Variants in KIAA0825 observed in about 807,000 individuals in gnomAD.
KIAA0825 encodes uncharacterized protein KIAA0825.
In KIAA0825, 119 loss-of-function variants were observed where a neutral mutation model predicts 147.6. The observed-to-expected ratio is 0.81, with a 90% confidence interval of 0.69 to 0.94. KIAA0825 has a LOEUF of 0.94. KIAA0825 is among the 40% of genes least tolerant of loss of function. The pLI is 0.00. For synonymous variants in KIAA0825, 470 were observed against 518.1 expected (o/e 0.91, Z 1.26); for missense variants, 1,381 against 1,472.7 (o/e 0.94, Z 1.02).
At position 94,526,168 on chromosome 5, in the gene KIAA0825, C is replaced by A. The variant is rs568510495; in HGVS notation, c.132-2070G>T. ...AATGTCAGTTTGGTATGTAATCTGA[C>A]AATTTATCTTCTTTAATCAAAATAA... On this transcript the variant is annotated intron_variant, in intron 3 of 20. Transcript: ENST00000682413. Among the ~76,000 whole-genome samples the A allele has an allele frequency of 5.3e-5, 8 of 152,090 alleles. No individual in the cohort carries two copies. In the South Asian group the frequency reaches 1.7e-3, roughly 31 times the overall value.
chr5:94,541,058 T>G (rs1584829642), intron 2 of KIAA0825, among the ~76,000 whole-genome samples: 1 of 152,218 alleles, frequency 6.6e-6, no homozygotes, highest in East Asian at 1.9e-4. Flanking sequence ...CTGTGTAAGT[T>G]GTGAAAGAAT....
chr5:94,443,272 C>A (rs1298399739), intron 13 of KIAA0825, among the ~76,000 whole-genome samples: 1 of 151,576 alleles, frequency 6.6e-6, no homozygotes, highest in Non-Finnish European at 1.5e-5. Context: ...GTTCCCTCAG[C>A]CTTTGAGCTG....
At chr5:94,270,237 T>A (rs1776924811) in intron 20 of KIAA0825, among the ~76,000 whole-genome samples, 1 of 151,988 alleles carries the variant, frequency 6.6e-6, no homozygotes, top group Non-Finnish European at 1.5e-5. Flanking sequence ...GGTATCAGCA[T>A]AAAGACAGAC....
chr5:94,363,988 G>A (rs910496627), intron 20 of KIAA0825, among the ~76,000 whole-genome samples: 4 of 151,978 alleles, frequency 2.6e-5, no homozygotes, highest in Non-Finnish European at 4.4e-5. Flanking sequence ...TAGACTGACA[G>A]CCAAAAGCGT....
chr5:94,440,916 G>A (rs893465355), intron 13 of KIAA0825, among the ~76,000 whole-genome samples: 8 of 152,040 alleles, frequency 5.3e-5, no homozygotes, highest in Admixed American at 3.3e-4. Flanking sequence ...CAACTTACAA[G>A]GAGAACAACA....
intron 20 of KIAA0825, among the ~76,000 whole-genome samples, chr5:94,325,004 T>C (rs2150259994): frequency 6.6e-6 from 1 of 152,032 alleles, no homozygotes; most frequent in Admixed American, 6.6e-5. Context: ...CCCAAATAAT[T>C]TCATAAATCC....
At chr5:94,480,566 ACTGT>A (rs1037700742) in intron 6 of KIAA0825, among the ~76,000 whole-genome samples, 4 of 152,046 alleles carry the variant, frequency 2.6e-5, no homozygotes, top group African/African-American at 7.2e-5. Flanking sequence ...TCTGGAAGTA[ACTGT>A]CTGCTATTGT....
intron 12 of KIAA0825, among the ~76,000 whole-genome samples, chr5:94,453,909 A>C (rs1758752477): frequency 2.6e-5 from 4 of 151,950 alleles, no homozygotes; most frequent in Admixed American, 2.6e-4. Context: ...TGATTTATAA[A>C]TATTAAATAA....
intron 12 of KIAA0825, among the ~76,000 whole-genome samples, chr5:94,457,169 T>C (rs1437456483): frequency 6.6e-6 from 1 of 152,076 alleles, no homozygotes; most frequent in Non-Finnish European, 1.5e-5. Flanking sequence ...TTCTAGAGAG[T>C]ATAACAGGGT....
At chr5:94,283,552 A>T (rs930411311) in intron 20 of KIAA0825, among the ~76,000 whole-genome samples, 9 of 152,104 alleles carry the variant, frequency 5.9e-5, no homozygotes, top group Non-Finnish European at 1.2e-4. Context: ...TAAATACTTT[A>T]AAAAATCCCA....
chr5:94,270,667 A>C (rs1242933790), intron 20 of KIAA0825, among the ~76,000 whole-genome samples: 8 of 152,186 alleles, frequency 5.3e-5, no homozygotes, highest in Admixed American at 4.6e-4. Context: ...GTAGTATCAC[A>C]GACCAATGGA....
chr5:94,432,467 G>C (rs924943932), intron 14 of KIAA0825, among the ~76,000 whole-genome samples: 1 of 152,066 alleles, frequency 6.6e-6, no homozygotes, highest in Non-Finnish European at 1.5e-5. Context: ...CTCTTTCTGG[G>C]ACTAATAATT....
At chr5:94,215,480 T>G (rs922295823) in intron 20 of KIAA0825, among the ~76,000 whole-genome samples, 1 of 152,146 alleles carries the variant, frequency 6.6e-6, no homozygotes, top group Non-Finnish European at 1.5e-5. Flanking sequence ...TTTTTCAAAT[T>G]GATAAATTCA....
intron 5 of KIAA0825, among the ~76,000 whole-genome samples, chr5:94,515,572 A>G (rs1338424461): frequency 6.6e-6 from 1 of 152,154 alleles, no homozygotes; most frequent in African/African-American, 2.4e-5. Flanking sequence ...CGGGTGGATC[A>G]CCTGAGGTAA....
chr5:94,151,294 G>A lies in KIAA0825; in HGVS notation c.*2713C>T, dbSNP rs1212888810. On this transcript the variant is annotated 3_prime_UTR_variant, in exon 21 of 21. Coordinates refer to ENST00000682413, the MANE Select transcript of KIAA0825 (RefSeq NM_001145678.3). ...TAGCCGGGCGCGGTGGCGGGCGCCT[G>A]TAGTCCCAGCTACTCGGGAGGCTGA... 6.6e-6 allele frequency among the ~76,000 whole-genome samples: 1 copy of A among 150,978 alleles called. No homozygotes were observed. Among genetic ancestry groups the A allele is most frequent in the Non-Finnish European group, 1.5e-5 (1 of 67,680 alleles).
At chr5:94,192,412 G>A (rs1022786006) in intron 20 of KIAA0825, among the ~76,000 whole-genome samples, 8 of 152,108 alleles carry the variant, frequency 5.3e-5, no homozygotes, top group Non-Finnish European at 8.8e-5. Context: ...TATTACATAT[G>A]ATTTATAACC....
Position 94,410,801 on chromosome 5 carries a change from G to A in KIAA0825, c.2662+6400C>T, listed in dbSNP as rs148555919. Among the ~76,000 whole-genome samples the A allele has an allele frequency of 8.6e-4, 130 of 152,010 alleles. 1 individual carries two copies. The East Asian group carries it at 0.015, about 18-fold the overall frequency. ...ATGAAGGCAAAATACTTTTTGTCACGCAATCAAAAGCTAAAATAAATTAAT... is the reference window on the plus strand; with the variant it reads ...ATGAAGGCAAAATACTTTTTGTCACACAATCAAAAGCTAAAATAAATTAAT... On this transcript the variant is annotated intron_variant, in intron 15 of 20. Transcript: ENST00000682413.
At chr5:94,313,690 G>A (rs903106375) in intron 20 of KIAA0825, among the ~76,000 whole-genome samples, 4 of 150,720 alleles carry the variant, frequency 2.7e-5, no homozygotes, top group South Asian at 4.2e-4. Flanking sequence ...TTCCTTAAAT[G>A]AAGATTATTT....
chr5:94,374,667 T>G (rs1385255068), intron 20 of KIAA0825, among the ~76,000 whole-genome samples: 2 of 152,154 alleles, frequency 1.3e-5, no homozygotes, highest in East Asian at 3.9e-4. Flanking sequence ...GTGGGTGACT[T>G]TAGCTCCAGG....
Sources: gnomAD v4.1 joint callset for allele counts (sites outside exome capture counted in the v4.1 genomes callset) on GRCh38, gnomAD v4.1.1 for gene constraint, MANE v1.5 for transcripts, NCBI Gene and HGNC (gene_info 2026-07-23, HGNC 2026-07-21) for gene names.